MAML2: variants seen among roughly 807,000 people sequenced by gnomAD.
MAML2 encodes mastermind-like protein 2.
In MAML2, 22 loss-of-function variants were observed where a neutral mutation model predicts 96.1. The observed-to-expected ratio is 0.23, with a 90% confidence interval of 0.16 to 0.33. The LOEUF is 0.33. MAML2 is among the 10% of genes least tolerant of loss of function. MAML2 has a pLI of 1.00. For synonymous variants in MAML2, 561 were observed against 521.3 expected (o/e 1.08, Z -1.04); for missense variants, 1,367 against 1,392.4 (o/e 0.98, Z 0.29).
At chr11:96,083,196 T>C (rs1296068127) in intron 2 of MAML2, among the ~76,000 whole-genome samples, 1 of 152,216 alleles carries the variant, frequency 6.6e-6, no homozygotes, top group Non-Finnish European at 1.5e-5. Context: ...TAGAGTGACT[T>C]TTCTACAAAG....
At chr11:96,299,863 A>C (rs1863361773) in intron 1 of MAML2, among the ~76,000 whole-genome samples, 1 of 152,174 alleles carries the variant, frequency 6.6e-6, no homozygotes, top group Non-Finnish European at 1.5e-5. Flanking sequence ...AAATCCTCAA[A>C]GTCCACTTCT....
chr11:96,072,475 A>C (rs1438438117), intron 2 of MAML2, among the ~76,000 whole-genome samples: 1 of 152,192 alleles, frequency 6.6e-6, no homozygotes, highest in Admixed American at 6.5e-5. Context: ...CATATATAAA[A>C]AGGGAATAAT....
intron 1 of MAML2, among the ~76,000 whole-genome samples, chr11:96,135,563 A>T (rs1457074055): frequency 1.1e-4 from 9 of 84,384 alleles, no homozygotes; most frequent in Admixed American, 5.9e-4. Context: ...TTTTTTTTTT[A>T]AACCGTGGTA....
chr11:95,992,391 T>C (rs1857927686), intron 2 of MAML2, among the ~76,000 whole-genome samples: 1 of 152,212 alleles, frequency 6.6e-6, no homozygotes, highest in Non-Finnish European at 1.5e-5. Context: ...CTCAACTGTA[T>C]ATCAAATAAT....
chr11:95,997,889 T>C (rs2135714980), intron 2 of MAML2, among the ~76,000 whole-genome samples: 1 of 152,242 alleles, frequency 6.6e-6, no homozygotes, highest in African/African-American at 2.4e-5. Context: ...GAGAATGTTT[T>C]AAAATTATCT....
intron 1 of MAML2, among the ~76,000 whole-genome samples, chr11:96,278,502 T>C (rs191222361): frequency 6.6e-6 from 1 of 152,196 alleles, no homozygotes; most frequent in Non-Finnish European, 1.5e-5. Flanking sequence ...TGAGGTGCTA[T>C]GATGGATTAT....
intron 1 of MAML2, among the ~76,000 whole-genome samples, chr11:96,212,108 A>AGTGTGT (rs72133828): frequency 0.078 from 10,415 of 134,058 alleles, 528 homozygotes; most frequent in East Asian, 0.12. Flanking sequence ...AGGAAGACAA[A>AGTGTGT]GTGTGTGTGT....
rs573478164 is a variant in MAML2 at position 96,205,531 on chromosome 11, T to C, written c.514-112014A>G. On this transcript the variant is annotated intron_variant, in intron 1 of 4. Coordinates refer to ENST00000524717, the MANE Select transcript of MAML2 (RefSeq NM_032427.4). Reference sequence around the variant, plus strand: ...TACTGTTTTTTAGGCAGACCAGTACTGTGTGGTAAAACAGCAGGCTTGTGA... The same window carrying C: ...TACTGTTTTTTAGGCAGACCAGTACCGTGTGGTAAAACAGCAGGCTTGTGA... 2.0e-4 allele frequency among the ~76,000 whole-genome samples: 30 copies of C among 152,356 alleles called. 1 individual carries two copies. The highest frequency in any genetic ancestry group is 3.4e-3 in the Middle Eastern group (1 of 294).
intron 2 of MAML2, among the ~76,000 whole-genome samples, chr11:96,032,911 A>C (rs1005540719): frequency 1.3e-5 from 2 of 152,216 alleles, no homozygotes; most frequent in Non-Finnish European, 1.5e-5. Flanking sequence ...AGAGACACAG[A>C]AATTTATAAA....
chr11:96,007,301 A>G lies in MAML2; in HGVS notation c.2140-15578T>C, dbSNP rs546821971. ...GCTGGGATTACAGGCGTGAGCCACC[A>G]TGCCCAGCTGATATCAATCATTTTT... On this transcript the variant is annotated intron_variant, in intron 2 of 4. Coordinates refer to ENST00000524717, the MANE Select transcript of MAML2 (RefSeq NM_032427.4). Among the ~76,000 whole-genome samples the G allele has an allele frequency of 2.1e-3, 184 of 89,372 alleles. 2 individuals are homozygous for G. The highest frequency in any genetic ancestry group is 8.5e-3 in the African/African-American group (178 of 20,964). The allele number at this position is 89,372 out of a possible 152,430, so 58.6% of individuals were successfully genotyped here.
chr11:96,078,002 T>C (rs761052305), intron 2 of MAML2, among the ~76,000 whole-genome samples: 1 of 152,178 alleles, frequency 6.6e-6, no homozygotes, highest in African/African-American at 2.4e-5. Flanking sequence ...AGTCTCCTTT[T>C]CTGTCTTCCC....
intron 1 of MAML2, among the ~76,000 whole-genome samples, chr11:96,309,868 T>C (rs1863513420): frequency 6.6e-6 from 1 of 151,908 alleles, no homozygotes; most frequent in Non-Finnish European, 1.5e-5. Flanking sequence ...CCCAGCTAAT[T>C]TATACATTTT....
intron 1 of MAML2, among the ~76,000 whole-genome samples, chr11:96,223,065 T>A (rs951606387): frequency 6.6e-6 from 1 of 152,194 alleles, no homozygotes; most frequent in South Asian, 2.1e-4. Flanking sequence ...TCAAATTGTG[T>A]GTACTTTAAT....
At chr11:96,218,616 T>C (rs991227667) in intron 1 of MAML2, among the ~76,000 whole-genome samples, 1 of 152,230 alleles carries the variant, frequency 6.6e-6, no homozygotes, top group African/African-American at 2.4e-5. Flanking sequence ...TTTATGGGAA[T>C]GTATAATACT....
At chr11:96,049,587 G>C (rs1280990352) in intron 2 of MAML2, among the ~76,000 whole-genome samples, 4 of 152,160 alleles carry the variant, frequency 2.6e-5, no homozygotes, top group Non-Finnish European at 2.9e-5. Flanking sequence ...ACTATGTATA[G>C]CTGAGCGACC....
At chr11:96,253,934 C>T (rs74459769) in intron 1 of MAML2, among the ~76,000 whole-genome samples, 6,042 of 152,234 alleles carry the variant, frequency 0.04, 153 homozygotes, top group Non-Finnish European at 0.059. Flanking sequence ...ATGTCCCCTT[C>T]TCATTATGGC....
At chr11:96,236,865 T>C (rs1025847459) in intron 1 of MAML2, among the ~76,000 whole-genome samples, 1 of 152,194 alleles carries the variant, frequency 6.6e-6, no homozygotes, top group Non-Finnish European at 1.5e-5. Context: ...ATAGTTTGGC[T>C]GGCAGCTTTG....
intron 2 of MAML2, among the ~76,000 whole-genome samples, chr11:96,055,354 G>C (rs552162590): frequency 6.6e-6 from 1 of 152,134 alleles, no homozygotes; most frequent in South Asian, 2.1e-4. Flanking sequence ...CACTACACAA[G>C]AGCTTAGTAT....
chr11:96,036,186 C>G (rs920631566), intron 2 of MAML2, among the ~76,000 whole-genome samples: 1 of 152,072 alleles, frequency 6.6e-6, no homozygotes, highest in Non-Finnish European at 1.5e-5. Context: ...CAGAAAATCT[C>G]TCATCTAATG....
Sources: gnomAD v4.1 joint callset for allele counts (sites outside exome capture counted in the v4.1 genomes callset) on GRCh38, gnomAD v4.1.1 for gene constraint, MANE v1.5 for transcripts, NCBI Gene and HGNC (gene_info 2026-07-23, HGNC 2026-07-21) for gene names.